Variants in ASB2 observed in about 807,000 individuals in gnomAD.
The protein encoded by ASB2 is ankyrin repeat and SOCS box protein 2.
ASB2 carries 58 observed loss-of-function variants against 62.4 expected under a neutral mutation model. The ratio of observed to expected loss-of-function variants is 0.93; its 90% CI spans 0.75 to 1.16. The LOEUF (loss-of-function observed/expected upper bound fraction) is 1.16. Among genes scored for constraint, ASB2 ranks in the 50% most tolerant of loss-of-function variants. The pLI is 0.00. For synonymous variants in ASB2, 386 were observed against 385.3 expected, an observed-to-expected ratio of 1.00 and a Z score of -0.02; for missense variants, 928 against 887.9, an observed-to-expected ratio of 1.05 and a Z score of -0.57.
intron 6 of ASB2, among the ~76,000 whole-genome samples, chr14:93,949,098 C>G (rs1888850413): frequency 6.6e-6 from 1 of 152,198 alleles, no homozygotes; most frequent in African/African-American, 2.4e-5. Flanking sequence ...ACAGCTTTCT[C>G]TGCAGAAAGA....
chr14:93,950,747 G>A (rs1888921732), intron 6 of ASB2, among the ~76,000 whole-genome samples: 1 of 152,158 alleles, frequency 6.6e-6, no homozygotes, highest in African/African-American at 2.4e-5. Context: ...ATGGCAAATA[G>A]GTGGTCCGTG....
At chr14:93,947,578 A>T in intron 6 of ASB2, 58 bp from the exon 7 acceptor site, 1 of 1,576,252 alleles carries the variant, frequency 6.3e-7, no homozygotes, top group Non-Finnish European at 8.7e-7. Context: ...GCTGTCCTCA[A>T]TGTAACGCCA....
intron 1 of ASB2, among the ~76,000 whole-genome samples, chr14:93,973,506 T>C (rs1016117418): frequency 2.6e-5 from 4 of 152,194 alleles, no homozygotes; most frequent in African/African-American, 7.2e-5. Flanking sequence ...GAGCATCCAT[T>C]CTGCACAGGA....
rs1888202651 is a variant in ASB2 at position 93,934,597 on chromosome 14, C to T, written c.*59G>A. 5.1e-6 allele frequency: 8 copies of T among 1,579,926 alleles called. No individual in the cohort carries two copies. Among genetic ancestry groups the T allele is most frequent in the East Asian group, 2.2e-5 (1 of 44,472 alleles). Reference sequence around the variant, plus strand: ...GTCCCCTTGGAGTTGGGAACACCGACGTCCTGAGACTTAGTAAGAAGAGTC... The same window carrying T: ...GTCCCCTTGGAGTTGGGAACACCGATGTCCTGAGACTTAGTAAGAAGAGTC... On this transcript the variant is annotated 3_prime_UTR_variant, in exon 10 of 10. Transcript: ENST00000555019.
intron 2 of ASB2, chr14:93,957,488 G>T: frequency 1.4e-6 from 1 of 732,100 alleles, no homozygotes; most frequent in Non-Finnish European, 1.7e-6. Flanking sequence ...GACAGACACA[G>T]GTTCACATCT....
chr14:93,973,017 G>A (rs774256577), intron 1 of ASB2, among the ~76,000 whole-genome samples: 1 of 152,230 alleles, frequency 6.6e-6, no homozygotes, highest in Non-Finnish European at 1.5e-5. Flanking sequence ...GGGTGCCAGG[G>A]CCTTGGGGCT....
At chr14:93,970,551 A>G (rs759559484) in intron 1 of ASB2, among the ~76,000 whole-genome samples, 5 of 152,170 alleles carry the variant, frequency 3.3e-5, no homozygotes, top group Non-Finnish European at 7.3e-5. Context: ...TCTGAGGAGC[A>G]GGACTATGTC....
Position 93,939,630 on chromosome 14 carries a change from T to A in ASB2, c.1095A>T (p.Ile365=). 1 of 1,531,252 alleles carries A rather than the reference T, an allele frequency of 6.5e-7. No individual in the cohort carries two copies. Among genetic ancestry groups the A allele is most frequent in the Non-Finnish European group, 8.7e-7 (1 of 1,147,112 alleles). The allele number at this position is 1,531,252 out of a possible 1,614,324, so 94.9% of individuals were successfully genotyped here. A position where few individuals can be genotyped will look rare whatever the true frequency, so the allele number is the denominator to read the frequency against. ...MLLPVTSRTR[I]RRSGVSPLHL... The stretch of plus-strand genomic sequence containing the variant: ...GCAGCGGACTGACGCCGCTACGGCG[T>A]ATGCGCGTGCGGCTGGTCACCGGCA... The change falls in exon 8 of 10, where the codon ATA becomes ATT. Residue 365 remains isoleucine, a synonymous_variant. Transcript: ENST00000555019.
chr14:93,940,437 C>T (rs1457097691), intron 7 of ASB2: 1 of 152,204 alleles, frequency 6.6e-6, no homozygotes, highest in Non-Finnish European at 1.5e-5. Context: ...GCTGAGCTGT[C>T]CCTATCTTGC....
In ASB2 at chr14:93,954,323, G is replaced by A; in HGVS notation, c.472C>T (p.Gln158Ter). ...YGQVGCLKVL[Q>*]RAYPGTIDQR... ...GTCAGAGCCCAGCCCTCACCTCGCTGCAGGACTTTCAGGCAGCCCACCTGG... is the reference window on the plus strand; with the variant it reads ...GTCAGAGCCCAGCCCTCACCTCGCTACAGGACTTTCAGGCAGCCCACCTGG... Residue 158 changes from glutamine (Q) to a stop codon, truncating the protein, a stop_gained, in exon 4 of 10, where the codon CAG becomes TAG. Coordinates refer to ENST00000555019, the MANE Select transcript of ASB2 (RefSeq NM_001202429.2). LOFTEE classifies it high-confidence loss of function. 1.9e-6 allele frequency: 3 copies of A among 1,613,088 alleles called. No homozygotes were observed. Among genetic ancestry groups the A allele is most frequent in the Non-Finnish European group, 2.5e-6 (3 of 1,179,752 alleles).
chr14:93,948,006 A>AC (rs1888805281), intron 6 of ASB2, among the ~76,000 whole-genome samples: 1 of 145,860 alleles, frequency 6.9e-6, no homozygotes, highest in South Asian at 2.1e-4. Flanking sequence ...AAAAAAAAAA[A>AC]AAAAAAAAAA....
At chr14:93,966,609 A>G (rs1889599842) in intron 1 of ASB2, among the ~76,000 whole-genome samples, 1 of 152,224 alleles carries the variant, frequency 6.6e-6, no homozygotes, top group Non-Finnish European at 1.5e-5. Context: ...ATGTTGCAGA[A>G]CTGCTGAACC....
chr14:93,949,126 C>A (rs1392668402), intron 6 of ASB2, among the ~76,000 whole-genome samples: 3 of 152,186 alleles, frequency 2.0e-5, no homozygotes, highest in African/African-American at 7.2e-5. Flanking sequence ...GCAGTCCTTC[C>A]TTGTTCTGGA....
At chr14:93,957,133 A>ACCCCCCCGGCCCCC in intron 2 of ASB2, 1 of 1,033,704 alleles carries the variant, frequency 9.7e-7, no homozygotes, top group Non-Finnish European at 1.3e-6. Flanking sequence ...ACCTCACCCC[A>ACCCCCCCGGCCCCC]CCCCCCGGTC....
At chr14:93,941,072 C>G (rs1240474365) in intron 7 of ASB2, 4 of 152,704 alleles carry the variant, frequency 2.6e-5, no homozygotes, top group African/African-American at 9.6e-5. Flanking sequence ...GTGGCCGGAG[C>G]AGGCCTGTGG....
At chr14:93,947,203 TG>T in intron 7 of ASB2, 145 bp downstream of exon 7, 1 of 801,250 alleles carries the variant, frequency 1.2e-6, no homozygotes, top group Non-Finnish European at 2.0e-6. Context: ...CTCCTTTCCA[TG>T]GGAAAGGTGA....
At chr14:93,942,845 A>C (rs1182704884) in intron 7 of ASB2, among the ~76,000 whole-genome samples, 1 of 140,750 alleles carries the variant, frequency 7.1e-6, no homozygotes, top group Non-Finnish European at 1.5e-5. Flanking sequence ...TAATTGTAAT[A>C]ATAGTGATGA....
chr14:93,961,192 G>T (rs2094942702), intron 2 of ASB2, among the ~76,000 whole-genome samples: 1 of 152,154 alleles, frequency 6.6e-6, no homozygotes, highest in African/African-American at 2.4e-5. Flanking sequence ...CATCTTATTT[G>T]CTTTTCACAG....
chr14:93,950,335 A>C (rs1888906233), intron 6 of ASB2, among the ~76,000 whole-genome samples: 1 of 152,230 alleles, frequency 6.6e-6, no homozygotes, highest in Non-Finnish European at 1.5e-5. Context: ...ACCAAAAGCA[A>C]GTCTGCCATG....
Sources: gnomAD v4.1 joint callset for allele counts (sites outside exome capture counted in the v4.1 genomes callset) on GRCh38, gnomAD v4.1.1 for gene constraint, MANE v1.5 for transcripts, NCBI Gene and HGNC (gene_info 2026-07-23, HGNC 2026-07-21) for gene names.